The following CAPS2 variants were observed in gnomAD, a reference collection of about 807,000 sequenced individuals.
The protein encoded by CAPS2 is calcyphosine 2.
CAPS2 carries 98 observed loss-of-function variants against 86.5 expected under a neutral mutation model. That is an observed-to-expected ratio of 1.13 (90% CI 0.96 to 1.34). CAPS2 has a LOEUF of 1.34. Among genes scored for constraint, CAPS2 ranks in the 40% most tolerant of loss-of-function variants. The pLI is 0.00. For missense variants in CAPS2, 729 were observed against 686.8 expected, an observed-to-expected ratio of 1.06 and a Z score of -0.69; for synonymous variants, 210 against 225.1, an observed-to-expected ratio of 0.93 and a Z score of 0.60.
intron 1 of CAPS2, among the ~76,000 whole-genome samples, chr12:75,369,173 C>T (rs921259143): frequency 1.3e-4 from 20 of 151,862 alleles, no homozygotes; most frequent in Non-Finnish European, 2.1e-4. Flanking sequence ...ATTAAATACA[C>T]AAAATTATTT....
Position 75,367,070 on chromosome 12 carries a change from AG to A in CAPS2, c.-395+23767del, listed in dbSNP as rs1311095151. The stretch of plus-strand genomic sequence containing the variant: ...GTTTAAGTTTCTCACAAAAATGCAC[AG>A]ACAAGCCAACTGAGATTAATTTGGG... On this transcript the variant is annotated intron_variant, in intron 1 of 5. Transcript: ENST00000551829. 3 of 698,722 alleles carry A rather than the reference AG, an allele frequency of 4.3e-6. No individual in the cohort carries two copies. In the African/African-American group the frequency reaches 5.3e-5, roughly 12 times the overall value. 43.3% of individuals were successfully genotyped at this position (698,722 alleles called of 1,614,324 possible). A position where few individuals can be genotyped will look rare whatever the true frequency, so the allele number is the denominator to read the frequency against.
In CAPS2 at chr12:75,286,367, T is replaced by C. The variant is rs570979707; in HGVS notation, c.1396-1287A>G. On this transcript the variant is annotated intron_variant, in intron 14 of 16. Transcript: ENST00000393284. ...TTGACCTTTAAAATCATGAGTAATA[T>C]GTACAGGAGAAGACCAATTTGCTCA... is the stretch of plus-strand genomic sequence containing the variant. 1.8e-4 allele frequency among the ~76,000 whole-genome samples: 28 copies of C among 152,132 alleles called. No homozygotes were observed. The South Asian group carries it at 4.4e-3, about 24-fold the overall frequency.
intron 1 of CAPS2, among the ~76,000 whole-genome samples, chr12:75,349,820 T>TA (rs1243618266): frequency 2.6e-5 from 4 of 151,904 alleles, no homozygotes; most frequent in East Asian, 1.9e-4. Flanking sequence ...CCTATCTCTT[T>TA]AAAAAAAGAA....
intron 1 of CAPS2, among the ~76,000 whole-genome samples, chr12:75,385,880 A>G (rs2045264699): frequency 6.6e-6 from 1 of 152,236 alleles, no homozygotes; most frequent in Non-Finnish European, 1.5e-5. Flanking sequence ...ACTTAGTCAT[A>G]AATCTAACAA....
chr12:75,300,555 CAAAAAAAAAAAAAA>C (rs60853698), intron 8 of CAPS2, among the ~76,000 whole-genome samples: 3 of 83,018 alleles, frequency 3.6e-5, no homozygotes, highest in African/African-American at 4.7e-5. Flanking sequence ...GACTCCGTCT[CAAAAAAAAAAAAAA>C]AAAAAAAAAA....
chr12:75,306,039 G>A, intron 7 of CAPS2: 3 of 1,470,740 alleles, frequency 2.0e-6, no homozygotes, highest in Non-Finnish European at 2.8e-6. Context: ...GAAGGGCCGC[G>A]GCGCCAGAGA....
chr12:75,276,460 T>C, downstream of CAPS2: 1 of 979,696 alleles, frequency 1.0e-6, no homozygotes. Context: ...AGATTATTAA[T>C]TACTCTAAGT....
At chr12:75,338,940 T>C (rs2041918872) in intron 1 of CAPS2, among the ~76,000 whole-genome samples, 1 of 152,246 alleles carries the variant, frequency 6.6e-6, no homozygotes, top group Admixed American at 6.5e-5. Flanking sequence ...CTCATTCCTT[T>C]TTATGGCTGC....
At chr12:75,303,829 T>C (rs2038114463) in intron 8 of CAPS2, among the ~76,000 whole-genome samples, 1 of 152,074 alleles carries the variant, frequency 6.6e-6, no homozygotes. Flanking sequence ...TGGAGGAACA[T>C]AGAGAGAAAT....
At chr12:75,298,507 T>G in intron 11 of CAPS2, 180 bp downstream of exon 11, 1 of 528,654 alleles carries the variant, frequency 1.9e-6, no homozygotes, top group Non-Finnish European at 3.4e-6. Flanking sequence ...ACTTGAGATT[T>G]GGGGCTGGGA....
intron 1 of CAPS2, chr12:75,347,702 T>G (rs751072576): frequency 1.9e-6 from 3 of 1,601,056 alleles, no homozygotes; most frequent in Non-Finnish European, 2.6e-6. Flanking sequence ...CTGCAATATT[T>G]GTATGCAACT....
At chr12:75,349,277 T>C (rs539774996) in intron 1 of CAPS2, among the ~76,000 whole-genome samples, 13 of 152,176 alleles carry the variant, frequency 8.5e-5, no homozygotes, top group Non-Finnish European at 1.5e-4. Flanking sequence ...ATCAAAATGT[T>C]CCCATGTAAT....
At chr12:75,292,777 T>A (rs1319942807) in intron 12 of CAPS2, among the ~76,000 whole-genome samples, 3 of 149,456 alleles carry the variant, frequency 2.0e-5, no homozygotes, top group African/African-American at 4.9e-5. Context: ...ATTAAAAAAA[T>A]TCATTTTAAA....
intron 16 of CAPS2, among the ~76,000 whole-genome samples, chr12:75,281,257 G>T (rs539389155): frequency 6.6e-6 from 1 of 151,874 alleles, no homozygotes; most frequent in Admixed American, 6.6e-5. Flanking sequence ...AGTAATTCTA[G>T]GTATTAATAT....
At chr12:75,379,644 C>T (rs1259173461) in intron 1 of CAPS2, among the ~76,000 whole-genome samples, 1 of 152,106 alleles carries the variant, frequency 6.6e-6, no homozygotes, top group Non-Finnish European at 1.5e-5. Context: ...TCAGGAGATT[C>T]TCTCGTCCTG....
intron 3 of CAPS2, 71 bp downstream of exon 4, chr12:75,323,106 G>T: frequency 2.7e-6 from 4 of 1,509,338 alleles, no homozygotes; most frequent in African/African-American, 2.8e-5. Flanking sequence ...TAAAGTTAAT[G>T]ATATTTCTTA....
chr12:75,371,102 CT>C (rs1387692032), intron 1 of CAPS2: 1 of 152,548 alleles, frequency 6.6e-6, no homozygotes, highest in Non-Finnish European at 1.5e-5. Flanking sequence ...GAAGTCCCAT[CT>C]GTAAGTTGAG....
chr12:75,302,710 G>T (rs2037966390), intron 8 of CAPS2, among the ~76,000 whole-genome samples: 1 of 152,176 alleles, frequency 6.6e-6, no homozygotes, highest in African/African-American at 2.4e-5. Flanking sequence ...TAAGAAGACA[G>T]ACAACTCAAC....
At chr12:75,346,090 TG>T (rs1376724543) in intron 1 of CAPS2, among the ~76,000 whole-genome samples, 3 of 152,194 alleles carry the variant, frequency 2.0e-5, no homozygotes, top group Admixed American at 2.0e-4. Context: ...GTTTCTTTAA[TG>T]AAAGCAATAC....
Sources: allele counts gnomAD v4.1 joint callset (sites outside exome capture counted in the v4.1 genomes callset), GRCh38; gene constraint gnomAD v4.1.1; transcripts MANE v1.5; gene names NCBI Gene and HGNC (gene_info 2026-07-23, HGNC 2026-07-21).